HYDIN: variants seen among roughly 807,000 people sequenced by gnomAD.
The protein encoded by HYDIN is HYDIN axonemal central pair apparatus protein, also known as axonemal central pair apparatus protein HYDIN.
HYDIN carries 132 observed loss-of-function variants against 403.9 expected under a neutral mutation model. The observed-to-expected ratio is 0.33, with a 90% CI of 0.28 to 0.38. HYDIN has a LOEUF of 0.38. HYDIN is among the 10% of genes least tolerant of loss of function. HYDIN has a pLI of 1.00. For missense variants in HYDIN, 2,827 were observed against 5,009.5 expected (o/e 0.56, Z 13.15); for synonymous variants, 1,202 against 1,891.7 (o/e 0.64, Z 9.46).
chr16:70,807,261 T>A lies in HYDIN; in HGVS notation c.*319A>T. 1 of 294,410 alleles carries A rather than the reference T, an allele frequency of 3.4e-6. No homozygotes were observed. Among genetic ancestry groups the A allele is most frequent in the Non-Finnish European group, 6.3e-6 (1 of 159,076 alleles). The allele number at this position is 294,410 out of a possible 1,614,324, so 18.2% of individuals were successfully genotyped here. A position where few individuals can be genotyped will look rare whatever the true frequency, so the allele number is the denominator to read the frequency against. On this transcript the variant is annotated 3_prime_UTR_variant, in exon 86 of 86. Coordinates refer to ENST00000393567, the MANE Select transcript of HYDIN (RefSeq NM_001270974.2). Reference sequence around the variant, plus strand: ...GTTGTAGAGTAGAAGGTCACTAGTGTGATACCTGTGCCTTCTTGATAAAAA... The same window carrying A: ...GTTGTAGAGTAGAAGGTCACTAGTGAGATACCTGTGCCTTCTTGATAAAAA...
At chr16:71,216,049 A>G (rs1353830208) in intron 1 of HYDIN, among the ~76,000 whole-genome samples, 1 of 152,216 alleles carries the variant, frequency 6.6e-6, no homozygotes, top group East Asian at 1.9e-4. Flanking sequence ...AAACAACTTC[A>G]GAAAACATAT....
intron 58 of HYDIN, among the ~76,000 whole-genome samples, chr16:70,888,616 G>T (rs1465288608): frequency 2.7e-5 from 4 of 150,850 alleles, no homozygotes; most frequent in Non-Finnish European, 5.9e-5. Context: ...CACTAGGTTG[G>T]GGTGGACGTC....
At chr16:71,093,788 A>G in intron 11 of HYDIN, 29 bp downstream of exon 11, 1 of 1,605,784 alleles carries the variant, frequency 6.2e-7, no homozygotes, top group Non-Finnish European at 8.5e-7. Flanking sequence ...GTACTGTTTG[A>G]AGTATCAACG....
chr16:70,943,299 GA>G (rs1458301505), intron 42 of HYDIN, among the ~76,000 whole-genome samples: 2 of 152,164 alleles, frequency 1.3e-5, no homozygotes, highest in Non-Finnish European at 2.9e-5. Flanking sequence ...AAATAATTCA[GA>G]AATGTATAAA....
At chr16:71,206,400 G>T (rs2088302313) in intron 1 of HYDIN, among the ~76,000 whole-genome samples, 1 of 152,024 alleles carries the variant, frequency 6.6e-6, no homozygotes, top group Non-Finnish European at 1.5e-5. Flanking sequence ...ACATTCAAAG[G>T]CATCAAAGAA....
intron 10 of HYDIN, among the ~76,000 whole-genome samples, chr16:71,106,033 T>C (rs1305897436): frequency 6.6e-6 from 1 of 152,004 alleles, no homozygotes; most frequent in African/African-American, 2.4e-5. Flanking sequence ...CATAACATGC[T>C]TAGGGTGCTT....
At chr16:71,203,937 C>A in intron 1 of HYDIN, 1 of 393,456 alleles carries the variant, frequency 2.5e-6, no homozygotes. Context: ...TGGTGGTGCA[C>A]ACCTTTAGTC....
chr16:71,206,611 G>A (rs2088313886), intron 1 of HYDIN, among the ~76,000 whole-genome samples: 1 of 152,110 alleles, frequency 6.6e-6, no homozygotes, highest in Non-Finnish European at 1.5e-5. Flanking sequence ...TTCAGAATAT[G>A]GATAGAAACT....
intron 5 of HYDIN, among the ~76,000 whole-genome samples, chr16:71,173,920 C>T (rs537948734): frequency 3.3e-5 from 5 of 152,274 alleles, no homozygotes; most frequent in African/African-American, 7.2e-5. Flanking sequence ...TCAAATCCAG[C>T]ATGCTTTGTA....
At chr16:70,871,383 T>C (rs866974924) in intron 65 of HYDIN, among the ~76,000 whole-genome samples, 48 of 152,306 alleles carry the variant, frequency 3.2e-4, no homozygotes, top group Middle Eastern at 6.8e-3. Context: ...GGTGTGCCAG[T>C]GCTCTGGGAA....
intron 28 of HYDIN, among the ~76,000 whole-genome samples, chr16:70,984,384 T>TAA (rs71387558): frequency 8.8e-5 from 8 of 90,650 alleles, no homozygotes; most frequent in Non-Finnish European, 1.4e-4. Context: ...GACATGGTCT[T>TAA]AAAAAAAAAA....
chr16:70,853,967 C>T (rs1338439742), intron 73 of HYDIN, among the ~76,000 whole-genome samples: 2 of 148,640 alleles, frequency 1.3e-5, no homozygotes, highest in East Asian at 3.9e-4. Flanking sequence ...GCAACCTCTG[C>T]CTCCTGGGTT....
intron 29 of HYDIN, among the ~76,000 whole-genome samples, chr16:70,980,547 A>C (rs1390448965): frequency 6.8e-6 from 1 of 147,832 alleles, no homozygotes; most frequent in Non-Finnish European, 1.5e-5. Context: ...ATAAATATAA[A>C]TATAAATTAT....
chr16:71,157,731 A>C (rs929643382), intron 6 of HYDIN, among the ~76,000 whole-genome samples: 1 of 146,786 alleles, frequency 6.8e-6, no homozygotes, highest in Admixed American at 6.8e-5. Flanking sequence ...AAATATTTGC[A>C]AACAGGGAAT....
intron 9 of HYDIN, among the ~76,000 whole-genome samples, chr16:71,120,760 A>G (rs1333779052): frequency 1.3e-5 from 2 of 152,062 alleles, no homozygotes; most frequent in African/African-American, 4.8e-5. Flanking sequence ...TCCCAAAAAA[A>G]AAACCAAAGT....
intron 23 of HYDIN, among the ~76,000 whole-genome samples, chr16:71,012,044 C>T (rs1011786135): frequency 2.2e-4 from 33 of 152,344 alleles, no homozygotes; most frequent in Admixed American, 1.8e-3. Flanking sequence ...TCAGCTTCCC[C>T]GCTCTGAGAC....
At chr16:71,198,417 T>G (rs2087813487) in intron 1 of HYDIN, among the ~76,000 whole-genome samples, 1 of 152,138 alleles carries the variant, frequency 6.6e-6, no homozygotes, top group Admixed American at 6.5e-5. Context: ...CAGGATAGGC[T>G]CTCTGTGTGG....
At chr16:70,907,580 C>T in intron 49 of HYDIN, 89 bp from the exon 50 acceptor site, 1 of 341,358 alleles carries the variant, frequency 2.9e-6, no homozygotes, top group South Asian at 3.3e-5. Context: ...CCAATATTCC[C>T]TGCTCAACAC....
intron 1 of HYDIN, among the ~76,000 whole-genome samples, chr16:71,227,529 C>T (rs372469367): frequency 2.0e-5 from 3 of 152,066 alleles, no homozygotes; most frequent in East Asian, 1.9e-4. Context: ...AACAGACAAA[C>T]AGAGAGCCAA....
Sources: gnomAD v4.1 joint callset for allele counts (sites outside exome capture counted in the v4.1 genomes callset) on GRCh38, gnomAD v4.1.1 for gene constraint, MANE v1.5 for transcripts, NCBI Gene and HGNC (gene_info 2026-07-23, HGNC 2026-07-21) for gene names.